Variants in GATA4 observed in about 807,000 individuals in gnomAD.
GATA4 encodes GATA binding protein 4, also known as transcription factor GATA-4.
GATA4 carries 7 observed loss-of-function variants against 37.9 expected under a neutral mutation model. That is an observed-to-expected ratio of 0.18 (90% CI 0.11 to 0.35). The LOEUF is 0.35. Among genes scored for constraint, GATA4 ranks in the 10% least tolerant of loss-of-function variants. The pLI, the probability that GATA4 is intolerant of heterozygous loss-of-function variation, is 1.00. For synonymous variants in GATA4, 372 were observed against 292.6 expected, an observed-to-expected ratio of 1.27 and a Z score of -2.77; for missense variants, 647 against 653.0, an observed-to-expected ratio of 0.99 and a Z score of 0.10.
chr8:11,678,499 C>T (rs1264212720), intron 1 of GATA4, among the ~76,000 whole-genome samples: 2 of 152,166 alleles, frequency 1.3e-5, no homozygotes, highest in African/African-American at 2.4e-5. Context: ...TATTCCTGCT[C>T]TTCTGTACGC....
intron 1 of GATA4, among the ~76,000 whole-genome samples, chr8:11,706,820 C>A (rs973935966): frequency 6.6e-6 from 1 of 152,078 alleles, no homozygotes; most frequent in African/African-American, 2.4e-5. Flanking sequence ...TCCAGTGCTC[C>A]AGTTCCCTCT....
chr8:11,720,016 A>G (rs766593779), intron 2 of GATA4, among the ~76,000 whole-genome samples: 8 of 152,082 alleles, frequency 5.3e-5, no homozygotes, highest in Non-Finnish European at 1.2e-4. Flanking sequence ...GAAATCTGCT[A>G]TTTGAAAAGG....
rs759522534 is a variant in GATA4, at chr8:11,708,499, T to A, written c.187T>A (p.Ser63Thr). 6.7e-7 allele frequency: 1 copy of A among 1,482,116 alleles called. No individual in the cohort carries two copies. The highest frequency in any genetic ancestry group is 8.9e-7 in the Non-Finnish European group (1 of 1,123,606). 91.8% of individuals were successfully genotyped at this position (1,482,116 alleles called of 1,614,324 possible). A position where few individuals can be genotyped will look rare whatever the true frequency, so the allele number is the denominator to read the frequency against. The change falls in exon 2 of 7, where the codon TCC becomes ACC. Residue 63 changes from serine (S) to threonine (T), a missense_variant. By Grantham distance (58) the Ser-to-Thr change is moderately conservative. This residue lies in a region of GATA4 where 379 missense variants were observed against 334.5 expected (regional missense o/e 1.13). Transcript: ENST00000532059. This position sits in a 1 kb window ranked among gnomAD's most constrained non-coding sequence, Gnocchi z 6.7. The stretch of plus-strand genomic sequence containing the variant: ...CCAGGGCGGAGGCGCGGGCTCTGCG[T>A]CCGGAGGCGCCTCGGGCGGCAGCTC... ...YLQGGGAGSA[S>T]GGASGGSSGG...
In GATA4 at chr8:11,756,926, TC is replaced by T; in HGVS notation, c.1001-8del. ...CTGATTTGGGTGTGCTGACTCTGCT[TC>T]ATTCCAGCTCCTTCAGGCAGTGAGA... On this transcript the variant is annotated splice_polypyrimidine_tract_variant and splice_region_variant and intron_variant, in intron 5 of 6. Coordinates refer to ENST00000532059, the MANE Select transcript of GATA4 (RefSeq NM_001308093.3). 1 of 1,614,220 alleles carries T rather than the reference TC, an allele frequency of 6.2e-7. No individual in the cohort carries two copies. The highest frequency in any genetic ancestry group is 1.1e-5 in the South Asian group (1 of 91,088).
chr8:11,690,902 A>C (rs1227310349), upstream of GATA4, among the ~76,000 whole-genome samples: 9 of 152,244 alleles, frequency 5.9e-5, no homozygotes, highest in Non-Finnish European at 1.2e-4. Context: ...TTATGTAAGA[A>C]GATACCCTGC....
intron 1 of GATA4, among the ~76,000 whole-genome samples, chr8:11,705,731 C>G (rs564799104): frequency 3.9e-5 from 6 of 152,206 alleles, no homozygotes; most frequent in African/African-American, 1.4e-4. Flanking sequence ...TCTCCACCTT[C>G]TGTTGTTCTA....
At chr8:11,731,581 CG>C (rs1801212794) in intron 2 of GATA4, among the ~76,000 whole-genome samples, 1 of 152,072 alleles carries the variant, frequency 6.6e-6, no homozygotes, top group Non-Finnish European at 1.5e-5. Flanking sequence ...GGGCCAGGAT[CG>C]GGGTGCGGGA....
Position 11,711,417 on chromosome 8 carries a change from C to T in GATA4, c.616+2489C>T, listed in dbSNP as rs752980749. 1.7e-4 allele frequency among the ~76,000 whole-genome samples: 26 copies of T among 152,208 alleles called. 1 individual carries two copies. Among genetic ancestry groups the T allele is most frequent in the Admixed American group, 1.5e-3 (23 of 15,288 alleles). On this transcript the variant is annotated intron_variant, in intron 2 of 6. Transcript: ENST00000532059. Reference sequence around the variant, plus strand: ...GTGAGGGAACACAGGGCATGTTGAACTTGTTGGCATTCATAGCTTCAGCGT... The same window carrying T: ...GTGAGGGAACACAGGGCATGTTGAATTTGTTGGCATTCATAGCTTCAGCGT...
At chr8:11,690,948 G>C (rs921235145), upstream of GATA4, among the ~76,000 whole-genome samples, 4 of 152,226 alleles carry the variant, frequency 2.6e-5, no homozygotes, top group Non-Finnish European at 5.9e-5. Context: ...AGCAGTTTTT[G>C]AGTTCTGCAG....
At chr8:11,756,041 C>G (rs953881318) in intron 5 of GATA4, among the ~76,000 whole-genome samples, 5 of 151,676 alleles carry the variant, frequency 3.3e-5, no homozygotes, top group African/African-American at 9.7e-5. Context: ...AAATTTCTGA[C>G]AGAACAACGG....
chr8:11,758,103 G>A (rs188233905), intron 6 of GATA4, among the ~76,000 whole-genome samples, 190 bp from the exon 7 acceptor site: 37 of 152,302 alleles, frequency 2.4e-4, no homozygotes, highest in Admixed American at 2.0e-3. Flanking sequence ...AGCAGCTGAT[G>A]CATCACCCAG....
intron 2 of GATA4, among the ~76,000 whole-genome samples, chr8:11,736,372 G>C (rs1467673839): frequency 6.6e-6 from 1 of 152,238 alleles, no homozygotes; most frequent in African/African-American, 2.4e-5. Context: ...GAGTTGTGGA[G>C]ACCAGACCAA....
rs940636781 is a variant in GATA4, at chr8:11,709,330, C to T, written c.616+402C>T. 5.9e-5 allele frequency among the ~76,000 whole-genome samples: 9 copies of T among 152,216 alleles called. No individual in the cohort carries two copies. Among genetic ancestry groups the T allele is most frequent in the African/African-American group, 1.9e-4 (8 of 41,450 alleles). On this transcript the variant is annotated intron_variant, in intron 2 of 6. Transcript: ENST00000532059. The surrounding 1 kb of genome is among the most constrained non-coding windows in gnomAD (Gnocchi z 4.3). The stretch of plus-strand genomic sequence containing the variant: ...GATTGCTGAGTTTCTGCGCCCCTTT[C>T]CTCCCCGCCCGCCCTCGGGCCTCCG...
chr8:11,708,301 C>A lies in GATA4; in HGVS notation c.-12C>A. 1 of 1,579,000 alleles carries A rather than the reference C, an allele frequency of 6.3e-7. No homozygotes were observed. ...AGAGAGAGGACACCGAAGCCGGGAG[C>A]TCGCAGGGACCATGTATCAGAGCTT... On this transcript the variant is annotated 5_prime_UTR_variant, in exon 2 of 7. Coordinates refer to ENST00000532059, the MANE Select transcript of GATA4 (RefSeq NM_001308093.3). The surrounding 1 kb of genome is among the most constrained non-coding windows in gnomAD (Gnocchi z 6.7).
upstream of GATA4, among the ~76,000 whole-genome samples, chr8:11,701,196 G>T (rs1311633982): frequency 6.9e-6 from 1 of 144,536 alleles, no homozygotes; most frequent in Non-Finnish European, 1.5e-5. Context: ...ATTCTTGTTT[G>T]TCTAAAATCT....
At chr8:11,710,823 T>C (rs1048709818) in intron 2 of GATA4, among the ~76,000 whole-genome samples, 12 of 151,774 alleles carry the variant, frequency 7.9e-5, no homozygotes, top group Non-Finnish European at 1.6e-4. Flanking sequence ...CATCCAGCAG[T>C]GTAAAAACGA....
rs1040452277 is a variant in GATA4 at position 11,708,621 on chromosome 8, G to C, written c.309G>C (p.Pro103=). ...GADGAAYTPP[P]VSPRFSFPGT... ...ACGGAGCCGCTTACACCCCGCCGCC[G>C]GTGTCGCCGCGCTTCTCCTTCCCGG... is the stretch of plus-strand genomic sequence containing the variant. Residue 103 remains proline (P), a synonymous_variant, in exon 2 of 7, where the codon CCG becomes CCC. Transcript: ENST00000532059. The surrounding 1 kb of genome is among the most constrained non-coding windows in gnomAD (Gnocchi z 6.7). The C allele has an allele frequency of 7.4e-7, 1 of 1,342,786 alleles. No individual in the cohort carries two copies. Among genetic ancestry groups the C allele is most frequent in the South Asian group, 2.0e-5 (1 of 49,778 alleles). The allele number at this position is 1,342,786 out of a possible 1,614,324, so 83.2% of individuals were successfully genotyped here.
rs144985152 is a variant in GATA4, at chr8:11,711,865, G to A, written c.616+2937G>A. On this transcript the variant is annotated intron_variant, in intron 2 of 6. Transcript: ENST00000532059. ...CTTTAGTGAGGACCAGCATCACATAGTAGCTGACCCTGAGTCATGGAGGGA... is the reference window on the plus strand; with the variant it reads ...CTTTAGTGAGGACCAGCATCACATAATAGCTGACCCTGAGTCATGGAGGGA... Among the ~76,000 whole-genome samples, 403 of 151,760 alleles carry A rather than the reference G, an allele frequency of 2.7e-3. 1 individual carries two copies. The highest frequency in any genetic ancestry group is 9.2e-3 in the African/African-American group (379 of 41,378).
intron 1 of GATA4, among the ~76,000 whole-genome samples, chr8:11,693,448 C>A (rs547391575): frequency 6.7e-6 from 1 of 149,680 alleles, no homozygotes; most frequent in South Asian, 2.1e-4. Context: ...CAGAGTGAGA[C>A]CCTGTGGAGA....
Sources: gnomAD v4.1 joint callset for allele counts (sites outside exome capture counted in the v4.1 genomes callset) on GRCh38, gnomAD v4.1.1 for gene constraint, gnomAD v4.1.1 regional missense constraint, Gnocchi (gnomAD v3.1) non-coding constraint, MANE v1.5 for transcripts, NCBI Gene and HGNC (gene_info 2026-07-23, HGNC 2026-07-21) for gene names.